The following JARID2 variants were observed in gnomAD, a reference collection of about 807,000 sequenced individuals.
JARID2 encodes protein Jumonji.
A neutral mutation model predicts 125.6 loss-of-function variants in JARID2; 21 were observed. That is an observed-to-expected ratio of 0.17 (90% CI 0.12 to 0.24). The LOEUF (loss-of-function observed/expected upper bound fraction) is 0.24. Ranked by LOEUF, JARID2 falls within the 10% of genes least tolerant of loss-of-function variation. JARID2 has a pLI of 1.00. For missense variants in JARID2, 1,303 were observed against 1,639.6 expected, an observed-to-expected ratio of 0.79 and a Z score of 3.55; for synonymous variants, 736 against 661.6, an observed-to-expected ratio of 1.11 and a Z score of -1.73.
chr6:15,345,228 G>C (rs1220951625), intron 1 of JARID2, among the ~76,000 whole-genome samples: 1 of 152,158 alleles, frequency 6.6e-6, no homozygotes, highest in East Asian at 1.9e-4. Context: ...AGAGGTGCTG[G>C]AGCAGATTTA....
intron 12 of JARID2, chr6:15,509,277 G>C: frequency 1.0e-6 from 1 of 985,254 alleles, no homozygotes; most frequent in Non-Finnish European, 1.2e-6. Flanking sequence ...TCGTCTGATC[G>C]TTTACCGGCA....
At position 15,513,263 on chromosome 6, in the gene JARID2, G is replaced by C. The variant is rs1771367649; in HGVS notation, c.3291G>C (p.Arg1097Ser). Residue 1097 changes from arginine (R) to serine (S), a missense_variant, in exon 16 of 18, where the codon AGG becomes AGC. This residue lies in a region of JARID2 where 190 missense variants were observed against 341.4 expected (regional missense o/e 0.56). Coordinates refer to ENST00000341776, the MANE Select transcript of JARID2 (RefSeq NM_004973.4). ...ELRDTELRQR[R>S]QLFEAGLHSS... ...GGGATACAGAGCTGCGGCAGCGCAGGCAGCTGTTCGAGGCTGGCCTCCACT... is the reference window on the plus strand; with the variant it reads ...GGGATACAGAGCTGCGGCAGCGCAGCCAGCTGTTCGAGGCTGGCCTCCACT... 1 of 1,575,170 alleles carries C rather than the reference G, an allele frequency of 6.3e-7. No homozygotes were observed. The highest frequency in any genetic ancestry group is 8.6e-7 in the Non-Finnish European group (1 of 1,159,328).
At chr6:15,456,286 C>A (rs1261452897) in intron 4 of JARID2, among the ~76,000 whole-genome samples, 1 of 152,132 alleles carries the variant, frequency 6.6e-6, no homozygotes, top group African/African-American at 2.4e-5. Flanking sequence ...CAAGTAAGTA[C>A]CTGGCTTTGA....
chr6:15,424,660 C>G (rs1282867487), intron 3 of JARID2, among the ~76,000 whole-genome samples: 1 of 152,112 alleles, frequency 6.6e-6, no homozygotes, highest in Non-Finnish European at 1.5e-5. Context: ...GAGTTCGAGA[C>G]CAGTGTGACC....
At chr6:15,314,886 C>T (rs970458939) in intron 1 of JARID2, 4 of 152,070 alleles carry the variant, frequency 2.6e-5, no homozygotes, top group African/African-American at 4.8e-5. Context: ...TTGGGGTTGC[C>T]GTTATAGAAA....
chr6:15,342,497 G>T (rs889801525), intron 1 of JARID2, among the ~76,000 whole-genome samples: 1 of 152,172 alleles, frequency 6.6e-6, no homozygotes, highest in Non-Finnish European at 1.5e-5. Flanking sequence ...TAGCATTGGG[G>T]TATCTAATTC....
At chr6:15,262,594 G>A (rs571384821) in intron 1 of JARID2, among the ~76,000 whole-genome samples, 9 of 147,666 alleles carry the variant, frequency 6.1e-5, no homozygotes, top group African/African-American at 1.2e-4. Context: ...GTGCAGTGGC[G>A]CAATCTTGGC....
At chr6:15,247,510 TG>T in intron 1 of JARID2, 1 of 975,514 alleles carries the variant, frequency 1.0e-6, no homozygotes, top group Non-Finnish European at 1.2e-6. Flanking sequence ...TGTGATTAGC[TG>T]CATGCTTTAA....
At chr6:15,286,917 T>C (rs538946542) in intron 1 of JARID2, among the ~76,000 whole-genome samples, 30 of 150,366 alleles carry the variant, frequency 2.0e-4, no homozygotes, top group South Asian at 1.9e-3. Context: ...GCCATCCATA[T>C]TACAACTGCT....
In JARID2 at chr6:15,497,017, G is replaced by A; in HGVS notation, c.1792G>A (p.Glu598Lys). ...RVIPPPDWRPECKLNDEMRFV... is the reference protein window; with the variant it reads ...RVIPPPDWRPKCKLNDEMRFV... Reference sequence around the variant, plus strand: ...GATCCCCCCTCCGGACTGGCGGCCCGAGTGCAAGCTCAACGATGAGATGCG... The same window carrying A: ...GATCCCCCCTCCGGACTGGCGGCCCAAGTGCAAGCTCAACGATGAGATGCG... The change falls in exon 7 of 18, where the codon GAG becomes AAG. Residue 598 changes from glutamate (E) to lysine (K), a missense_variant. By Grantham distance (56) the Glu-to-Lys change is moderately conservative. Transcript: ENST00000341776. The A allele has an allele frequency of 6.2e-7, 1 of 1,613,688 alleles. No homozygotes were observed. The highest frequency in any genetic ancestry group is 8.5e-7 in the Non-Finnish European group (1 of 1,179,874).
At chr6:15,331,852 GTTTCGCT>G (rs1762721492) in intron 1 of JARID2, among the ~76,000 whole-genome samples, 1 of 152,082 alleles carries the variant, frequency 6.6e-6, no homozygotes, top group Non-Finnish European at 1.5e-5. Context: ...CCTTTCTGCA[GTTTCGCT>G]TTCTGTGGTT....
At chr6:15,380,482 C>CTTCA (rs1422376254) in intron 2 of JARID2, among the ~76,000 whole-genome samples, 3 of 152,180 alleles carry the variant, frequency 2.0e-5, no homozygotes, top group Admixed American at 1.3e-4. Context: ...TTCCTCCTCT[C>CTTCA]TTCAGTCAGA....
intron 16 of JARID2, among the ~76,000 whole-genome samples, chr6:15,515,917 C>G (rs1314326983): frequency 6.6e-6 from 1 of 151,602 alleles, no homozygotes; most frequent in Non-Finnish European, 1.5e-5. Context: ...CGCCTGTAGT[C>G]CCAGCTACTC....
chr6:15,433,656 C>T (rs555317182), intron 3 of JARID2, among the ~76,000 whole-genome samples: 1 of 152,212 alleles, frequency 6.6e-6, no homozygotes, highest in South Asian at 2.1e-4. Flanking sequence ...GGTTGCAATA[C>T]ATGGTGCTTC....
At chr6:15,488,191 G>T (rs181166656) in intron 6 of JARID2, among the ~76,000 whole-genome samples, 203 of 152,294 alleles carry the variant, frequency 1.3e-3, no homozygotes, top group African/African-American at 4.7e-3. Context: ...AGATAATGCC[G>T]GTTCTGGTGA....
chr6:15,350,051 G>C (rs533074159), intron 1 of JARID2, among the ~76,000 whole-genome samples: 1 of 152,226 alleles, frequency 6.6e-6, no homozygotes, highest in East Asian at 1.9e-4. Context: ...CCATGTCCTG[G>C]ATCTTAATGT....
At chr6:15,477,636 A>C (rs1769412376) in intron 5 of JARID2, among the ~76,000 whole-genome samples, 2 of 151,768 alleles carry the variant, frequency 1.3e-5, no homozygotes. Flanking sequence ...GATGGTTCAG[A>C]GCATCATGAT....
At chr6:15,507,510 CG>C (rs1771061170) in intron 11 of JARID2, 94 bp downstream of exon 11, 2 of 1,021,208 alleles carry the variant, frequency 2.0e-6, no homozygotes, top group Non-Finnish European at 3.0e-6. Context: ...TAAGCACTGC[CG>C]GGGAGGGATG....
At chr6:15,398,715 TTTAA>T in intron 2 of JARID2, among the ~76,000 whole-genome samples, 1 of 152,352 alleles carries the variant, frequency 6.6e-6, no homozygotes, top group Middle Eastern at 3.4e-3. Flanking sequence ...CCCGTTTCTC[TTTAA>T]TTGACTAGAA....
Sources: gnomAD v4.1 joint callset for allele counts (sites outside exome capture counted in the v4.1 genomes callset) on GRCh38, gnomAD v4.1.1 for gene constraint, gnomAD v4.1.1 regional missense constraint, MANE v1.5 for transcripts, NCBI Gene and HGNC (gene_info 2026-07-23, HGNC 2026-07-21) for gene names.